NAV2: variants seen among roughly 807,000 people sequenced by gnomAD.
The protein encoded by NAV2 is helicase, APC down-regulated 1.
NAV2 carries 54 observed loss-of-function variants against 223.2 expected under a neutral mutation model. The observed-to-expected ratio is 0.24, with a 90% CI of 0.19 to 0.30. NAV2 has a LOEUF of 0.30. Ranked by LOEUF, NAV2 falls within the 10% of genes least tolerant of loss-of-function variation. The pLI is 1.00. For synonymous variants in NAV2, 1,279 were observed against 1,239.3 expected, an observed-to-expected ratio of 1.03 and a Z score of -0.67; for missense variants, 2,806 against 3,147.5, an observed-to-expected ratio of 0.89 and a Z score of 2.60.
At chr11:19,758,574 A>G (rs1217613610) in intron 1 of NAV2, among the ~76,000 whole-genome samples, 1 of 152,192 alleles carries the variant, frequency 6.6e-6, no homozygotes, top group Non-Finnish European at 1.5e-5. Flanking sequence ...CATGATGGCC[A>G]AGGACAGGCC....
Position 19,546,701 on chromosome 11 carries a change from T to C in NAV2, c.75+195674T>C, listed in dbSNP as rs190659153. The stretch of plus-strand genomic sequence containing the variant: ...GAGATTTTATTTCCCAGGTTTTGAG[T>C]ACACTATCTCTTAACTTTCCCTAAA... On this transcript the variant is annotated intron_variant, in intron 1 of 37. Coordinates refer to the NAV2 transcript ENST00000360655. Among the ~76,000 whole-genome samples the C allele has an allele frequency of 2.8e-3, 423 of 152,320 alleles. 4 individuals carry two copies. The highest frequency in any genetic ancestry group is 2.2e-3 in the Admixed American group (33 of 15,302).
upstream of NAV2, among the ~76,000 whole-genome samples, chr11:19,710,106 C>T (rs2049819305): frequency 6.6e-6 from 1 of 152,170 alleles, no homozygotes; most frequent in Non-Finnish European, 1.5e-5. Flanking sequence ...ACAATTTAAA[C>T]AGGAAACCAA....
At chr11:19,790,125 C>T (rs1157993059) in intron 1 of NAV2, among the ~76,000 whole-genome samples, 9 of 152,174 alleles carry the variant, frequency 5.9e-5, no homozygotes, top group Admixed American at 1.3e-4. Flanking sequence ...CTCATGCTCC[C>T]GGCTGCATGC....
Position 19,873,851 on chromosome 11 carries a change from A to G in NAV2, c.511+4854A>G, listed in dbSNP as rs78564865. ...GGCAGACTTGGAGAGCAGCAAGAAC[A>G]CAGAGGGCTGTTGAGTGGAGGGGCA... On this transcript the variant is annotated intron_variant, in intron 4 of 37. Transcript: ENST00000349880. 6.6e-3 allele frequency among the ~76,000 whole-genome samples: 1,008 copies of G among 152,280 alleles called. 12 individuals are homozygous for G. The highest frequency in any genetic ancestry group is 0.023 in the African/African-American group (965 of 41,544).
At chr11:19,779,607 G>GT (rs1218138832) in intron 1 of NAV2, among the ~76,000 whole-genome samples, 3 of 152,170 alleles carry the variant, frequency 2.0e-5, no homozygotes, top group African/African-American at 7.2e-5. Flanking sequence ...CCCTGAATCA[G>GT]TTTTCCTCTT....
In NAV2 at chr11:19,713,172, G is replaced by T. The variant is rs1044831144; in HGVS notation, c.-524G>T. On this transcript the variant is annotated 5_prime_UTR_variant, in exon 1 of 38. Transcript: ENST00000349880. The surrounding 1 kb of genome is among the most constrained non-coding windows in gnomAD (Gnocchi z 7.2). ...GGTGGAGACGTCTTGGGACCCTTGC[G>T]CCCTTCTTCTCTCCTTCCTTCGCTG... Among the ~76,000 whole-genome samples, 13 of 152,052 alleles carry T rather than the reference G, an allele frequency of 8.5e-5. No individual in the cohort carries two copies. The highest frequency in any genetic ancestry group is 3.1e-4 in the African/African-American group (13 of 41,510).
intron 1 of NAV2, among the ~76,000 whole-genome samples, chr11:19,359,650 A>G (rs1387287121): frequency 6.6e-6 from 1 of 152,226 alleles, no homozygotes; most frequent in Non-Finnish European, 1.5e-5. Flanking sequence ...CCAGTCATTT[A>G]GAAATGCTTA....
At chr11:19,773,524 G>A (rs1279190248) in intron 1 of NAV2, among the ~76,000 whole-genome samples, 5 of 152,188 alleles carry the variant, frequency 3.3e-5, no homozygotes, top group Non-Finnish European at 2.9e-5. Context: ...CCACACTTCA[G>A]GGCAGACCTT....
At chr11:19,728,579 G>A (rs561514581) in intron 1 of NAV2, among the ~76,000 whole-genome samples, 2 of 152,332 alleles carry the variant, frequency 1.3e-5, no homozygotes, top group African/African-American at 4.8e-5. Context: ...TCTTAGGCAA[G>A]CTGCTAAACC....
chr11:19,941,554 A>G (rs1222958302), intron 8 of NAV2, among the ~76,000 whole-genome samples: 2 of 151,966 alleles, frequency 1.3e-5, no homozygotes, highest in Admixed American at 6.5e-5. Context: ...TATTTGATCA[A>G]TTGCTTAGTT....
chr11:19,745,905 C>A (rs1000698347), intron 1 of NAV2, among the ~76,000 whole-genome samples: 1 of 152,198 alleles, frequency 6.6e-6, no homozygotes, highest in Non-Finnish European at 1.5e-5. Flanking sequence ...GGTTCAAGGT[C>A]TGGGGACCCC....
chr11:19,870,332 C>T (rs1430671892), intron 4 of NAV2, among the ~76,000 whole-genome samples: 1 of 152,154 alleles, frequency 6.6e-6, no homozygotes, highest in African/African-American at 2.4e-5. Context: ...GTAGAGAGTT[C>T]TTGTGCTGGC....
At chr11:19,671,883 C>T (rs1265815521) in intron 1 of NAV2, among the ~76,000 whole-genome samples, 2 of 152,222 alleles carry the variant, frequency 1.3e-5, no homozygotes, top group African/African-American at 4.8e-5. Flanking sequence ...CTCCTGCATG[C>T]TTAGCACTGG....
intron 3 of NAV2, among the ~76,000 whole-genome samples, chr11:19,845,927 G>A (rs1003177535): frequency 6.6e-6 from 1 of 152,176 alleles, no homozygotes; most frequent in Non-Finnish European, 1.5e-5. Context: ...TGAATACACA[G>A]GTGACCAAGA....
chr11:19,620,622 C>A (rs895860086), intron 1 of NAV2, among the ~76,000 whole-genome samples: 2 of 152,208 alleles, frequency 1.3e-5, no homozygotes, highest in African/African-American at 4.8e-5. Flanking sequence ...TATCCTGAGA[C>A]TTTGCTGAAG....
At chr11:19,987,169 G>A (rs1180126136) in intron 11 of NAV2, among the ~76,000 whole-genome samples, 2 of 152,212 alleles carry the variant, frequency 1.3e-5, no homozygotes, top group Non-Finnish European at 2.9e-5. Context: ...CAGGTGGTAT[G>A]TAGTTATATC....
intron 11 of NAV2, among the ~76,000 whole-genome samples, chr11:20,020,703 T>C (rs1178464941): frequency 6.6e-6 from 1 of 152,250 alleles, no homozygotes; most frequent in Non-Finnish European, 1.5e-5. Context: ...TGTTTAGTGT[T>C]GTACATTTAC....
chr11:19,938,883 T>C (rs191871888), intron 7 of NAV2, among the ~76,000 whole-genome samples: 10 of 152,340 alleles, frequency 6.6e-5, no homozygotes, highest in Non-Finnish European at 1.5e-4. Context: ...TCTTCACAGG[T>C]AGTGAAATCG....
intron 1 of NAV2, chr11:19,519,876 G>A (rs2043587467): frequency 1.3e-5 from 2 of 152,210 alleles, no homozygotes; most frequent in Non-Finnish European, 1.5e-5. Context: ...GCCTTCTCTG[G>A]GAATGCTGAG....
Sources: allele counts gnomAD v4.1 joint callset (sites outside exome capture counted in the v4.1 genomes callset), GRCh38; gene constraint gnomAD v4.1.1; non-coding constraint Gnocchi (gnomAD v3.1); transcripts MANE v1.5; gene names NCBI Gene and HGNC (gene_info 2026-07-23, HGNC 2026-07-21).